The following SSBP3 variants were observed in gnomAD, a reference collection of about 807,000 sequenced individuals.
SSBP3 encodes the protein single-stranded DNA-binding protein 3.
In SSBP3, 5 loss-of-function variants were observed where a neutral mutation model predicts 69.6. That is an observed-to-expected ratio of 0.07 (90% confidence interval 0.04 to 0.15). The LOEUF (loss-of-function observed/expected upper bound fraction) is 0.15. SSBP3 is among the 10% of genes least tolerant of loss of function. SSBP3 has a pLI of 1.00. For synonymous variants in SSBP3, 196 were observed against 193.4 expected, an observed-to-expected ratio of 1.01 and a Z score of -0.11; for missense variants, 312 against 534.0, an observed-to-expected ratio of 0.58 and a Z score of 4.10.
chr1:54,302,608 A>G (rs1645823241), intron 4 of SSBP3, among the ~76,000 whole-genome samples: 1 of 152,226 alleles, frequency 6.6e-6, no homozygotes, highest in African/African-American at 2.4e-5. Context: ...CTAAGGGCAG[A>G]AATACCACCT....
At chr1:54,241,049 C>T in intron 12 of SSBP3, 90 bp from the exon 13 acceptor site, 2 of 1,414,500 alleles carry the variant, frequency 1.4e-6, no homozygotes, top group Non-Finnish European at 1.9e-6. Flanking sequence ...TCAGCAGCAA[C>T]TGCTCGCCCC....
At chr1:54,349,651 G>A (rs376525020) in intron 4 of SSBP3, among the ~76,000 whole-genome samples, 65 of 151,520 alleles carry the variant, frequency 4.3e-4, no homozygotes, top group East Asian at 9.7e-4. Flanking sequence ...CCTTAGTTTC[G>A]CTCATGAAAT....
intron 4 of SSBP3, among the ~76,000 whole-genome samples, chr1:54,352,975 A>G (rs1334588536): frequency 6.6e-6 from 1 of 152,186 alleles, no homozygotes; most frequent in Admixed American, 6.5e-5. Context: ...TCTGAATGGC[A>G]AACCCGAGAA....
chr1:54,285,800 G>A lies in SSBP3; in HGVS notation c.277-4273C>T, dbSNP rs531768421. ...GCCTACAGCATGCCAGGGCTGCAGT[G>A]GGTGCATGGGCTAGAAGTCCCCCAC... On this transcript the variant is annotated intron_variant, in intron 4 of 17. Transcript: ENST00000610401. Among the ~76,000 whole-genome samples, 22 of 152,300 alleles carry A rather than the reference G, an allele frequency of 1.4e-4. No individual in the cohort carries two copies. In the South Asian group the frequency reaches 4.1e-3, roughly 29 times the overall value.
At chr1:54,412,171 C>T (rs1258829044) in intron 1 of SSBP3, among the ~76,000 whole-genome samples, 3 of 151,842 alleles carry the variant, frequency 2.0e-5, no homozygotes, top group African/African-American at 4.8e-5. Flanking sequence ...TTTAGAATGA[C>T]AGCTGCCCTC....
intron 4 of SSBP3, among the ~76,000 whole-genome samples, chr1:54,310,120 T>C (rs1283863234): frequency 6.6e-6 from 1 of 152,174 alleles, no homozygotes; most frequent in Non-Finnish European, 1.5e-5. Context: ...CCAGGGAGCA[T>C]GTCCCGAGCA....
chr1:54,318,183 A>G (rs895492963), intron 4 of SSBP3, among the ~76,000 whole-genome samples: 13 of 152,206 alleles, frequency 8.5e-5, no homozygotes, highest in African/African-American at 3.1e-4. Context: ...TAGTGTTCAC[A>G]TGACACCTCC....
At chr1:54,320,058 T>A (rs1476834297) in intron 4 of SSBP3, among the ~76,000 whole-genome samples, 1 of 152,190 alleles carries the variant, frequency 6.6e-6, no homozygotes. Flanking sequence ...ACCTGCTTCA[T>A]GCCAGGCTGG....
At chr1:54,294,644 T>A (rs1201871306) in intron 4 of SSBP3, among the ~76,000 whole-genome samples, 1 of 152,176 alleles carries the variant, frequency 6.6e-6, no homozygotes, top group African/African-American at 2.4e-5. Flanking sequence ...GGGGTTCAAG[T>A]GGCCTCTGTG....
At chr1:54,334,279 G>A (rs879758739) in intron 4 of SSBP3, among the ~76,000 whole-genome samples, 2 of 151,894 alleles carry the variant, frequency 1.3e-5, no homozygotes, top group Non-Finnish European at 2.9e-5. Context: ...TTGAACCCGG[G>A]AGGCGGAGGT....
intron 5 of SSBP3, among the ~76,000 whole-genome samples, chr1:54,261,260 G>A (rs1360548802): frequency 6.6e-6 from 1 of 152,264 alleles, no homozygotes; most frequent in East Asian, 1.9e-4. Context: ...TCTATGAGGA[G>A]TCAGGGGCTC....
chr1:54,404,804 A>C, intron 2 of SSBP3, 54 bp downstream of exon 2: 1 of 645,798 alleles, frequency 1.5e-6, no homozygotes, highest in Non-Finnish European at 2.4e-6. Context: ...GGCTCTAAGA[A>C]TAGTGGGGGG....
chr1:54,279,371 C>G (rs1645350194), intron 5 of SSBP3, among the ~76,000 whole-genome samples: 3 of 152,236 alleles, frequency 2.0e-5, no homozygotes, highest in Non-Finnish European at 1.5e-5. Context: ...GGAATTAGGC[C>G]TTAGCCATGG....
At chr1:54,237,482 C>CTCAA (rs1644518198) in intron 14 of SSBP3, 1 of 152,230 alleles carries the variant, frequency 6.6e-6, no homozygotes, top group African/African-American at 2.4e-5. Flanking sequence ...ACTTGAGAGA[C>CTCAA]TCAATGTCCA....
intron 4 of SSBP3, among the ~76,000 whole-genome samples, chr1:54,376,489 T>C (rs1647242397): frequency 6.6e-6 from 1 of 152,192 alleles, no homozygotes; most frequent in African/African-American, 2.4e-5. Context: ...GACTTCATTT[T>C]GCTAATTCTC....
chr1:54,364,201 T>G (rs563116108), intron 4 of SSBP3, among the ~76,000 whole-genome samples: 17 of 152,322 alleles, frequency 1.1e-4, no homozygotes, highest in African/African-American at 4.1e-4. Context: ...CTGATTTCTA[T>G]GCTACAATGG....
chr1:54,281,348 G>A, intron 5 of SSBP3, 90 bp downstream of exon 5: 1 of 1,031,546 alleles, frequency 9.7e-7, no homozygotes, highest in Non-Finnish European at 1.4e-6. Context: ...GGCAAACTGA[G>A]CTACTTACTT....
intron 14 of SSBP3, among the ~76,000 whole-genome samples, chr1:54,233,105 G>T (rs1479812718): frequency 6.6e-6 from 1 of 150,414 alleles, no homozygotes; most frequent in East Asian, 2.0e-4. Flanking sequence ...GAGCGTCTCC[G>T]CCCGGCCGCC....
exon 1 of SSBP3, chr1:54,406,351 T>C (rs914251491): frequency 4.3e-4 from 53 of 123,942 alleles, no homozygotes; most frequent in Non-Finnish European, 6.8e-4. Flanking sequence ...CCTCTGCGCC[T>C]CCAGCACCGC....
Sources: gnomAD v4.1 joint callset for allele counts (sites outside exome capture counted in the v4.1 genomes callset) on GRCh38, gnomAD v4.1.1 for gene constraint, MANE v1.5 for transcripts, NCBI Gene and HGNC (gene_info 2026-07-23, HGNC 2026-07-21) for gene names.